The following NLRP9 variants were observed in gnomAD, a reference collection of about 807,000 sequenced individuals.
The protein encoded by NLRP9 is NLR family pyrin domain containing 9.
A neutral mutation model predicts 83.1 loss-of-function variants in NLRP9; 88 were observed. The observed-to-expected ratio is 1.06, with a 90% CI of 0.89 to 1.26. The LOEUF is 1.26. NLRP9 is among the 50% of genes most tolerant of loss of function. The pLI is 0.00. For missense variants in NLRP9, 1,308 were observed against 1,179.3 expected (o/e 1.11, Z -1.60); for synonymous variants, 521 against 447.6 (o/e 1.16, Z -2.07).
chr19:55,735,801 C>T (rs1398600593), intron 1 of NLRP9, among the ~76,000 whole-genome samples: 1 of 151,972 alleles, frequency 6.6e-6, no homozygotes, highest in Non-Finnish European at 1.5e-5. Flanking sequence ...GATTCTCGTG[C>T]CTCAGCCTCC....
At chr19:55,714,211 G>A (rs1003860914) in intron 6 of NLRP9, among the ~76,000 whole-genome samples, 13 of 152,052 alleles carry the variant, frequency 8.5e-5, no homozygotes, top group Admixed American at 5.9e-4. Flanking sequence ...AAGAGTGTAT[G>A]ACAAGCCAGG....
At chr19:55,711,001 C>G (rs10403155) in intron 8 of NLRP9, among the ~76,000 whole-genome samples, 12,891 of 151,762 alleles carry the variant, frequency 0.085, 602 homozygotes, top group East Asian at 0.16. Flanking sequence ...CATGAGAATT[C>G]CTTGAGCCCG....
At chr19:55,733,962 G>T (rs564842174) in intron 1 of NLRP9, among the ~76,000 whole-genome samples, 9 of 123,394 alleles carry the variant, frequency 7.3e-5, no homozygotes, top group Admixed American at 2.8e-4. Context: ...TCGCTCTGTC[G>T]CCCAGGCTGG....
rs1988598766 is a variant in NLRP9 at position 55,732,347 on chromosome 19, A to G, written c.1484T>C (p.Met495Thr). The change falls in exon 2 of 9, where the codon ATG (methionine) becomes ACG (threonine). Residue 495 changes from methionine to threonine, a missense_variant. Coordinates refer to ENST00000332836, the MANE Select transcript of NLRP9 (RefSeq NM_176820.4). ...QTLLTQVGIF[M>T]FGISTEEIVS... ...GATTTCTTCTGTTGAAATTCCAAAC[A>G]TGAATATCCCCACCTGGGTCAAGAG... The G allele has an allele frequency of 6.2e-7, 1 of 1,614,050 alleles. No individual in the cohort carries two copies. Among genetic ancestry groups the G allele is most frequent in the African/African-American group, 1.3e-5 (1 of 74,932 alleles).
At chr19:55,726,594 ACT>A (rs1463475938) in intron 3 of NLRP9, among the ~76,000 whole-genome samples, 5 of 152,054 alleles carry the variant, frequency 3.3e-5, no homozygotes, top group East Asian at 1.9e-4. Context: ...TACTGATGCC[ACT>A]CTGTTTCCAG....
chr19:55,713,826 C>T (rs533136942), intron 6 of NLRP9, among the ~76,000 whole-genome samples: 10 of 39,776 alleles, frequency 2.5e-4, no homozygotes, highest in Non-Finnish European at 3.9e-4. Flanking sequence ...TCCTCTCTTC[C>T]GCTCCTGCCC....
chr19:55,725,577 TGA>T (rs895613697), intron 3 of NLRP9, among the ~76,000 whole-genome samples: 7 of 151,756 alleles, frequency 4.6e-5, no homozygotes, highest in African/African-American at 1.7e-4. Flanking sequence ...GCGGGCGGAG[TGA>T]TCCCCTAAAT....
Position 55,712,459 on chromosome 19 carries a change from G to A in NLRP9, c.2633C>T (p.Ala878Val), listed in dbSNP as rs759048580. The A allele has an allele frequency of 2.5e-6, 4 of 1,612,760 alleles. No homozygotes were observed. Among genetic ancestry groups the A allele is most frequent in the Non-Finnish European group, 3.4e-6 (4 of 1,179,792 alleles). Residue 878 changes from alanine (A) to valine (V), a missense_variant, in exon 7 of 9, where the codon GCA becomes GTA. By Grantham distance (64) the Ala-to-Val change is moderately conservative. Coordinates refer to ENST00000332836, the MANE Select transcript of NLRP9 (RefSeq NM_176820.4). ...TTTACAGTGAGGATGCTGCAAAGCT[G>A]CACATAACTGTCTGACACCAGTGTC... Reference protein sequence around the residue: ...IGDTGVRQLCAALQHPHCKLE... With the variant: ...IGDTGVRQLCVALQHPHCKLE...
chr19:55,716,687 C>T (rs2122293250), intron 5 of NLRP9, 41 bp downstream of exon 5: 1 of 1,569,764 alleles, frequency 6.4e-7, no homozygotes, highest in Middle Eastern at 1.8e-4. Context: ...CAGGTGCACG[C>T]TTCAGAAATC....
At chr19:55,715,781 G>A (rs1987985424) in intron 5 of NLRP9, among the ~76,000 whole-genome samples, 1 of 152,194 alleles carries the variant, frequency 6.6e-6, no homozygotes, top group Non-Finnish European at 1.5e-5. Flanking sequence ...TCAGATTCCA[G>A]TTCCAAGTCA....
intron 4 of NLRP9, among the ~76,000 whole-genome samples, chr19:55,717,178 C>T (rs149339955): frequency 0.022 from 3,309 of 151,990 alleles, 61 homozygotes; most frequent in Middle Eastern, 0.061. Context: ...GGATTACAGG[C>T]GCCCGCCATC....
chr19:55,724,589 A>ATT (rs1000982909), intron 3 of NLRP9, among the ~76,000 whole-genome samples: 3 of 146,768 alleles, frequency 2.0e-5, no homozygotes, highest in South Asian at 2.2e-4. Context: ...TAAAATTAAG[A>ATT]TTTTTTTTTT....
intron 8 of NLRP9, 98 bp downstream of exon 8, chr19:55,711,702 C>A: frequency 8.0e-7 from 1 of 1,248,004 alleles, no homozygotes; most frequent in East Asian, 2.5e-5. Flanking sequence ...ACAAACAACC[C>A]TCCAGCCTGG....
rs539637809 is a variant in NLRP9 at position 55,736,158 on chromosome 19, G to T, written c.280+1937C>A. On this transcript the variant is annotated intron_variant, in intron 1 of 8. Coordinates refer to ENST00000332836, the MANE Select transcript of NLRP9 (RefSeq NM_176820.4). Reference sequence around the variant, plus strand: ...TGTAATCCCAGCACTTTGGGAGGCTGAGGTGGGTGGATCATGAGGTCAGGA... The same window carrying T: ...TGTAATCCCAGCACTTTGGGAGGCTTAGGTGGGTGGATCATGAGGTCAGGA... Among the ~76,000 whole-genome samples, 13 of 151,944 alleles carry T rather than the reference G, an allele frequency of 8.6e-5. No homozygotes were observed. The East Asian group carries it at 2.5e-3, about 30-fold the overall frequency.
intron 1 of NLRP9, 92 bp from the exon 2 acceptor site, chr19:55,733,642 A>G: frequency 1.3e-6 from 1 of 785,766 alleles, no homozygotes; most frequent in Non-Finnish European, 2.0e-6. Flanking sequence ...AAATTCTAAT[A>G]CTCGCCAGCC....
Position 55,711,925 on chromosome 19 carries a change from G to A in NLRP9, c.2718C>T (p.Ala906=), listed in dbSNP as rs539738770. 53 of 1,613,172 alleles carry A rather than the reference G, an allele frequency of 3.3e-5. No individual in the cohort carries two copies. The highest frequency in any genetic ancestry group is 8.0e-5 in the African/African-American group (6 of 75,028). ...PITRACCDDI[A]AALIACKTLR... is the part of the protein sequence containing the mutation. ...GTGTTTTGCAGGCGATGAGTGCTGC[G>A]GCGATGTCGTCGCAGCAGGCACGGG... is the stretch of plus-strand genomic sequence containing the variant. The change falls in exon 8 of 9, where the codon GCC becomes GCT. Residue 906 remains alanine, a synonymous_variant. Coordinates refer to ENST00000332836, the MANE Select transcript of NLRP9 (RefSeq NM_176820.4).
At chr19:55,727,173 A>T (rs2122318074) in intron 3 of NLRP9, among the ~76,000 whole-genome samples, 1 of 152,186 alleles carries the variant, frequency 6.6e-6, no homozygotes, top group Admixed American at 6.5e-5. Flanking sequence ...CATTGCTTGA[A>T]CCTGGGAGGC....
chr19:55,726,922 C>G (rs1236693101), intron 3 of NLRP9, among the ~76,000 whole-genome samples: 1 of 151,994 alleles, frequency 6.6e-6, no homozygotes, highest in African/African-American at 2.4e-5. Flanking sequence ...ACCAAACTGT[C>G]TCTATCATTT....
chr19:55,732,463 A>C lies in NLRP9; in HGVS notation c.1368T>G (p.Phe456Leu). 1 of 1,614,226 alleles carries C rather than the reference A, an allele frequency of 6.2e-7. No individual in the cohort carries two copies. Among genetic ancestry groups the C allele is most frequent in the Non-Finnish European group, 8.5e-7 (1 of 1,180,040 alleles). Residue 456 changes from phenylalanine to leucine, a missense_variant, in exon 2 of 9, where the codon TTT becomes TTG. By Grantham distance (22) the Phe-to-Leu change is conservative (BLOSUM62 0). Transcript: ENST00000332836. ...CGTCTTTGGGTCGTTTGAGCAAATA[A>C]AACATGGCGGCACAAAACTCTTGGA... is the stretch of plus-strand genomic sequence containing the variant. ...LCIQEFCAAM[F>L]YLLKRPKDDP...
Sources: gnomAD v4.1 joint callset for allele counts (sites outside exome capture counted in the v4.1 genomes callset) on GRCh38, gnomAD v4.1.1 for gene constraint, MANE v1.5 for transcripts, NCBI Gene and HGNC (gene_info 2026-07-23, HGNC 2026-07-21) for gene names.